The following SLC12A9 variants were observed in gnomAD, a reference collection of about 807,000 sequenced individuals.
SLC12A9 encodes the protein CCC-interacting protein 1.
SLC12A9 carries 55 observed loss-of-function variants against 66.0 expected under a neutral mutation model. That is an observed-to-expected ratio of 0.83 (90% CI 0.67 to 1.04). The LOEUF (loss-of-function observed/expected upper bound fraction) is 1.04. SLC12A9 is among the 50% of genes least tolerant of loss of function. The pLI, the probability that SLC12A9 is intolerant of heterozygous loss-of-function variation, is 0.00. For synonymous variants in SLC12A9, 577 were observed against 569.0 expected (o/e 1.01, Z -0.20); for missense variants, 1,061 against 1,241.9 (o/e 0.85, Z 2.19).
intron 1 of SLC12A9, among the ~76,000 whole-genome samples, chr7:100,835,707 C>CT (rs1332540813): frequency 6.6e-6 from 1 of 152,118 alleles, no homozygotes; most frequent in Admixed American, 6.5e-5. Context: ...GTGATTGACC[C>CT]TTTAACATTT....
intron 5 of SLC12A9, 69 bp from the exon 6 acceptor site, chr7:100,858,766 G>A (rs56792920): frequency 9.6e-6 from 14 of 1,455,172 alleles, no homozygotes; most frequent in East Asian, 6.8e-5. Context: ...GTGTGGAGAG[G>A]GTGGCTAAGA....
At chr7:100,830,034 AT>A (rs1813512129) in intron 1 of SLC12A9, among the ~76,000 whole-genome samples, 1 of 148,146 alleles carries the variant, frequency 6.8e-6, no homozygotes, top group South Asian at 2.1e-4. Context: ...TCTCCAAAAA[AT>A]ATATAAAGTA....
chr7:100,866,802 C>G lies in SLC12A9; in HGVS notation c.*197C>G. Reference sequence around the variant, plus strand: ...GCAGAGGGACCCCAGCACACTAACTCTGGGTGGCTGTCCCCACCGTGCAGG... The same window carrying G: ...GCAGAGGGACCCCAGCACACTAACTGTGGGTGGCTGTCCCCACCGTGCAGG... On this transcript the variant is annotated 3_prime_UTR_variant, in exon 14 of 14. Transcript: ENST00000354161. This position sits in a 1 kb window ranked among gnomAD's most constrained non-coding sequence, Gnocchi z 7.3. 1 of 537,128 alleles carries G rather than the reference C, an allele frequency of 1.9e-6. No individual in the cohort carries two copies. Among genetic ancestry groups the G allele is most frequent in the Non-Finnish European group, 3.1e-6 (1 of 319,050 alleles). 33.3% of individuals were successfully genotyped at this position (537,128 alleles called of 1,614,324 possible). A position where few individuals can be genotyped will look rare whatever the true frequency, so the allele number is the denominator to read the frequency against.
upstream of SLC12A9, among the ~76,000 whole-genome samples, chr7:100,847,907 G>A (rs527446394): frequency 6.1e-4 from 92 of 151,860 alleles, no homozygotes; most frequent in African/African-American, 2.0e-3. Context: ...CCAACATGGC[G>A]AAACCCCATC....
chr7:100,855,835 C>A lies in SLC12A9; in HGVS notation c.446C>A (p.Ala149Asp). The change falls in exon 4 of 14, where the codon GCC becomes GAC. Residue 149 changes from alanine to aspartate, a missense_variant and splice_region_variant. Transcript: ENST00000354161. The stretch of plus-strand genomic sequence containing the variant: ...GAGTCTGTGCTTGATGTCTTCGGGG[C>A]CGGTCTGTGCTCTGTCCGATCTGGG... ...LVESVLDVFG[A>D]DATGPSGLRV... 1 of 1,604,294 alleles carries A rather than the reference C, an allele frequency of 6.2e-7. No individual in the cohort carries two copies.
intron 1 of SLC12A9, among the ~76,000 whole-genome samples, chr7:100,846,768 G>A (rs1401145143): frequency 6.6e-6 from 1 of 152,056 alleles, no homozygotes; most frequent in African/African-American, 2.4e-5. Context: ...CCCAATTTCT[G>A]CCTCCAAAGA....
In SLC12A9 at chr7:100,866,940, G is replaced by C. The variant is rs192497924; in HGVS notation, c.*335G>C. On this transcript the variant is annotated 3_prime_UTR_variant, in exon 14 of 14. Coordinates refer to ENST00000354161, the MANE Select transcript of SLC12A9 (RefSeq NM_020246.4). The surrounding 1 kb of genome is among the most constrained non-coding windows in gnomAD (Gnocchi z 7.3). Reference sequence around the variant, plus strand: ...TTTTGGCCAGACTCACCGGCCCACTGGGGTGGTGATGTTTTCGTTCTGTTT... The same window carrying C: ...TTTTGGCCAGACTCACCGGCCCACTCGGGTGGTGATGTTTTCGTTCTGTTT... 1.2e-3 allele frequency: 377 copies of C among 325,426 alleles called. No individual in the cohort carries two copies. The highest frequency in any genetic ancestry group is 6.5e-3 in the African/African-American group (303 of 46,950). The allele number at this position is 325,426 out of a possible 1,614,324, so 20.2% of individuals were successfully genotyped here. A position where few individuals can be genotyped will look rare whatever the true frequency, so the allele number is the denominator to read the frequency against.
chr7:100,860,099 GT>G, intron 8 of SLC12A9, 50 bp from the exon 9 acceptor site: 1 of 1,614,124 alleles, frequency 6.2e-7, no homozygotes. Context: ...CTGTCTCTCC[GT>G]CCCCGCTGAG....
intron 1 of SLC12A9, among the ~76,000 whole-genome samples, chr7:100,827,713 G>C (rs889446263): frequency 3.7e-4 from 57 of 152,308 alleles, no homozygotes; most frequent in East Asian, 3.9e-4. Flanking sequence ...TTTGGAGAAG[G>C]GGGAGGGGCG....
rs538799402 is a variant in SLC12A9, at chr7:100,854,498, G to A, written c.181+120G>A. ...GACCCAAGAGAAGCGGTTGGCTGAA[G>A]GGTTTGGGGAGGGGCTCTCTGTGGG... On this transcript the variant is annotated intron_variant, in intron 2 of 13. Transcript: ENST00000354161. 100 of 1,592,706 alleles carry A rather than the reference G, an allele frequency of 6.3e-5. 1 individual carries two copies. The East Asian group carries it at 1.3e-3, about 21-fold the overall frequency.
chr7:100,861,308 C>T lies in SLC12A9; in HGVS notation c.1343+46C>T, dbSNP rs571478059. 2.0e-4 allele frequency: 325 copies of T among 1,613,360 alleles called. No individual in the cohort carries two copies. Among genetic ancestry groups the T allele is most frequent in the Non-Finnish European group, 2.6e-4 (301 of 1,179,450 alleles). ...TCCCCAGAGAGAAGAAGGGAGGACTCGGGCTCAGGCGTGGGGCTGGGGACT... is the reference window on the plus strand; with the variant it reads ...TCCCCAGAGAGAAGAAGGGAGGACTTGGGCTCAGGCGTGGGGCTGGGGACT... On this transcript the variant is annotated intron_variant, in intron 10 of 13. Coordinates refer to ENST00000354161, the MANE Select transcript of SLC12A9 (RefSeq NM_020246.4). This position sits in a 1 kb window ranked among gnomAD's most constrained non-coding sequence, Gnocchi z 5.3.
rs753858964 is a variant in SLC12A9, at chr7:100,866,036, G to A, written c.2176G>A (p.Val726Met). 11 of 1,612,680 alleles carry A rather than the reference G, an allele frequency of 6.8e-6. No individual in the cohort carries two copies. Among genetic ancestry groups the A allele is most frequent in the Admixed American group, 3.3e-5 (2 of 59,998 alleles). Residue 726 changes from valine (V) to methionine (M), a missense_variant, in exon 14 of 14, where the codon GTG (valine) becomes ATG (methionine). Val to Met is a conservative substitution (Grantham distance 21, BLOSUM62 1). Coordinates refer to ENST00000354161, the MANE Select transcript of SLC12A9 (RefSeq NM_020246.4). The surrounding 1 kb of genome is among the most constrained non-coding windows in gnomAD (Gnocchi z 7.3). ...GGTSQLHHVD[V>M]WPLNLLRPRG... Reference sequence around the variant, plus strand: ...CACCTCTCAGCTGCACCATGTGGACGTGTGGCCCCTCAACCTGCTGCGGCC... The same window carrying A: ...CACCTCTCAGCTGCACCATGTGGACATGTGGCCCCTCAACCTGCTGCGGCC...
intron 1 of SLC12A9, among the ~76,000 whole-genome samples, chr7:100,845,679 A>G (rs943447318): frequency 7.2e-5 from 11 of 152,040 alleles, no homozygotes; most frequent in Non-Finnish European, 1.3e-4. Flanking sequence ...CTTTCTTCCT[A>G]CTGCCCATAA....
chr7:100,846,968 A>G (rs1172714104), intron 1 of SLC12A9, among the ~76,000 whole-genome samples: 1 of 152,082 alleles, frequency 6.6e-6, no homozygotes, highest in Non-Finnish European at 1.5e-5. Flanking sequence ...TTACCGGTGC[A>G]TGCAGCCCCC....
chr7:100,848,966 GTTTT>G (rs779870044), upstream of SLC12A9, among the ~76,000 whole-genome samples: 3 of 151,194 alleles, frequency 2.0e-5, no homozygotes, highest in Non-Finnish European at 4.4e-5. Flanking sequence ...TATAAGGAGA[GTTTT>G]TTTGTTTGGT....
chr7:100,854,851 A>G, intron 3 of SLC12A9, 97 bp downstream of exon 3: 2 of 1,513,724 alleles, frequency 1.3e-6, no homozygotes, highest in Admixed American at 4.2e-5. Context: ...GGGGCAAGAC[A>G]AGTGTTTTTT....
chr7:100,843,981 CAA>C (rs1320109241), intron 1 of SLC12A9, among the ~76,000 whole-genome samples: 8 of 152,164 alleles, frequency 5.3e-5, no homozygotes, highest in African/African-American at 1.9e-4. Context: ...CCAGCCCCTG[CAA>C]AGTGACTCTG....
chr7:100,850,829 C>T (rs1484022544), upstream of SLC12A9, among the ~76,000 whole-genome samples: 2 of 151,574 alleles, frequency 1.3e-5, no homozygotes, highest in Admixed American at 6.6e-5. Context: ...AAGCTATTCT[C>T]CTGCCTCAGC....
chr7:100,847,635 A>G (rs905089940), intron 1 of SLC12A9, among the ~76,000 whole-genome samples: 2 of 152,108 alleles, frequency 1.3e-5, no homozygotes, highest in Admixed American at 6.6e-5. Flanking sequence ...GTGGAGGCCA[A>G]AGGAATTGTC....
Sources: gnomAD v4.1 joint callset for allele counts (sites outside exome capture counted in the v4.1 genomes callset) on GRCh38, gnomAD v4.1.1 for gene constraint, Gnocchi (gnomAD v3.1) non-coding constraint, MANE v1.5 for transcripts, NCBI Gene and HGNC (gene_info 2026-07-23, HGNC 2026-07-21) for gene names.